The following ANK3 variants were observed in gnomAD, a reference collection of about 807,000 sequenced individuals.
The protein encoded by ANK3 is ankyrin-3.
Under a neutral mutation model 370.9 loss-of-function variants are expected in ANK3, and 57 were observed. The ratio of observed to expected loss-of-function variants is 0.15; its 90% CI spans 0.12 to 0.19. The LOEUF (loss-of-function observed/expected upper bound fraction) is 0.19, where lower values mean the gene tolerates loss of function less well. Among genes scored for constraint, ANK3 ranks in the 10% least tolerant of loss-of-function variants. ANK3 has a pLI of 1.00. For synonymous variants in ANK3, 1,929 were observed against 1,946.3 expected (o/e 0.99, Z 0.23); for missense variants, 4,439 against 5,302.1 (o/e 0.84, Z 5.06).
chr10:60,172,451 A>ATT, intron 20 of ANK3, 48 bp from the exon 21 acceptor site: 1 of 1,509,194 alleles, frequency 6.6e-7, no homozygotes, highest in Non-Finnish European at 9.2e-7. Flanking sequence ...CTTATTCCAC[A>ATT]TTTTTTTTGC....
chr10:60,480,586 C>T (rs760752618), intron 2 of ANK3, among the ~76,000 whole-genome samples: 1 of 151,968 alleles, frequency 6.6e-6, no homozygotes, highest in East Asian at 1.9e-4. Context: ...ATCTCTTAAG[C>T]ACTTTGTTAG....
chr10:60,574,806 C>A (rs887652665), intron 2 of ANK3, among the ~76,000 whole-genome samples: 1 of 152,248 alleles, frequency 6.6e-6, no homozygotes, highest in East Asian at 1.9e-4. Flanking sequence ...TAAATCTTGA[C>A]ATTCTTTACT....
At chr10:60,401,800 G>A (rs1731324930) in intron 2 of ANK3, among the ~76,000 whole-genome samples, 1 of 152,074 alleles carries the variant, frequency 6.6e-6, no homozygotes, top group Non-Finnish European at 1.5e-5. Context: ...GAGAAACAAT[G>A]CTATAAATGG....
intron 2 of ANK3, among the ~76,000 whole-genome samples, chr10:60,557,194 G>T (rs2077227425): frequency 6.6e-6 from 1 of 152,066 alleles, no homozygotes; most frequent in African/African-American, 2.4e-5. Flanking sequence ...ACTTATACAG[G>T]ATGTTTGTTG....
At chr10:60,351,149 T>C (rs943973318) in intron 1 of ANK3, among the ~76,000 whole-genome samples, 3 of 152,204 alleles carry the variant, frequency 2.0e-5, no homozygotes, top group Non-Finnish European at 2.9e-5. Flanking sequence ...ACCACAAACA[T>C]TTAAATAGAA....
intron 7 of ANK3, among the ~76,000 whole-genome samples, chr10:60,250,593 C>T (rs969144442): frequency 3.3e-5 from 5 of 152,158 alleles, no homozygotes; most frequent in African/African-American, 1.2e-4. Flanking sequence ...TCTCGATCTC[C>T]TGACCTTGTG....
chr10:60,170,648 G>C (rs752855979), intron 21 of ANK3, among the ~76,000 whole-genome samples: 11 of 152,152 alleles, frequency 7.2e-5, no homozygotes, highest in Non-Finnish European at 1.5e-4. Context: ...TTTGCAGAAA[G>C]TCATCAACAA....
At position 60,701,795 on chromosome 10, in the gene ANK3, T is replaced by C. The variant is rs926891368; in HGVS notation, c.57+31468A>G. Among the ~76,000 whole-genome samples, 8 of 152,238 alleles carry C rather than the reference T, an allele frequency of 5.3e-5. 1 individual carries two copies. The highest frequency in any genetic ancestry group is 3.3e-4 in the Admixed American group (5 of 15,292). ...AAACAACAAAAAATAAAAAAGGGGA[T>C]GCAAGTATATATATAAATGTGTATC... On this transcript the variant is annotated intron_variant, in intron 1 of 43. Coordinates refer to the ANK3 transcript ENST00000373827.
chr10:60,091,940 A>G (rs958289697), intron 28 of ANK3, among the ~76,000 whole-genome samples: 3 of 152,138 alleles, frequency 2.0e-5, no homozygotes, highest in Non-Finnish European at 4.4e-5. Flanking sequence ...CATGTTGGCC[A>G]GGATGGTCTC....
intron 2 of ANK3, among the ~76,000 whole-genome samples, chr10:60,426,829 G>A (rs1395944996): frequency 1.3e-5 from 2 of 152,116 alleles, no homozygotes; most frequent in African/African-American, 4.8e-5. Flanking sequence ...AATATGTAAC[G>A]AACAGCTAAT....
In ANK3 at chr10:60,064,227, T is replaced by C; in HGVS notation, c.12381A>G (p.Pro4127=). The C allele has an allele frequency of 6.3e-7, 1 of 1,583,602 alleles. No individual in the cohort carries two copies. Among genetic ancestry groups the C allele is most frequent in the African/African-American group, 1.4e-5 (1 of 72,778 alleles). ...TGAAGCTCTGAGAAATTAAAGAATT[T>C]GGATTTTCCACACGTATTTGATTGA... ...DEINQIRVEN[P]NSLISQSFML... is the part of the protein sequence containing the mutation. The change falls in exon 39 of 44, where the codon CCA becomes CCG. Residue 4127 remains proline (P), a synonymous_variant. Transcript: ENST00000280772.
chr10:60,072,676 T>C lies in ANK3; in HGVS notation c.8205A>G (p.Gln2735=). The C allele has an allele frequency of 6.2e-7, 1 of 1,614,156 alleles. No homozygotes were observed. Among genetic ancestry groups the C allele is most frequent in the South Asian group, 1.1e-5 (1 of 91,060 alleles). The change falls in exon 37 of 44, where the codon CAA becomes CAG. Residue 2735 remains glutamine (Q), a synonymous_variant. Coordinates refer to ENST00000280772, the MANE Select transcript of ANK3 (RefSeq NM_020987.5). ...ACTGGCCATCTGACTTTCTGTCTTC[T>C]TGAGACATGTCCTTACTTTTTGCGT... The part of the protein sequence containing the change: ...GTHAKSKDMS[Q]EDRKSDGQSR...
chr10:60,585,886 T>C (rs1421741051), intron 2 of ANK3, among the ~76,000 whole-genome samples: 1 of 151,982 alleles, frequency 6.6e-6, no homozygotes, highest in Non-Finnish European at 1.5e-5. Context: ...TAGCTCGACG[T>C]GGTGGCGGGT....
intron 4 of ANK3, among the ~76,000 whole-genome samples, chr10:60,273,399 C>T (rs1396129590): frequency 6.6e-6 from 1 of 152,164 alleles, no homozygotes; most frequent in East Asian, 1.9e-4. Flanking sequence ...AATTTAGTGG[C>T]TTTAAGTATA....
chr10:60,043,532 G>A (rs1278607945), intron 42 of ANK3: 6 of 985,278 alleles, frequency 6.1e-6, no homozygotes, highest in Non-Finnish European at 7.2e-6. Context: ...TGGCACATTG[G>A]AAATGGGCTG....
At chr10:60,297,065 A>G (rs2042684008) in intron 1 of ANK3, among the ~76,000 whole-genome samples, 1 of 152,244 alleles carries the variant, frequency 6.6e-6, no homozygotes, top group Non-Finnish European at 1.5e-5. Flanking sequence ...AAATATGACA[A>G]TAATCACTGA....
intron 1 of ANK3, among the ~76,000 whole-genome samples, chr10:60,691,182 T>C (rs12359070): frequency 5.9e-4 from 90 of 152,244 alleles, no homozygotes; most frequent in Non-Finnish European, 9.7e-4. Context: ...TCTTGACACA[T>C]AGAGAAAATA....
At chr10:60,391,107 G>A (rs761433971), upstream of ANK3, among the ~76,000 whole-genome samples, 5 of 152,294 alleles carry the variant, frequency 3.3e-5, no homozygotes, top group South Asian at 2.1e-4. Flanking sequence ...TAGTCTCTGC[G>A]AAGCAGTGAT....
At position 60,164,239 on chromosome 10, in the gene ANK3, C is replaced by G. The variant is rs568693496; in HGVS notation, c.2614+2352G>C. 3.9e-5 allele frequency among the ~76,000 whole-genome samples: 6 copies of G among 152,156 alleles called. No homozygotes were observed. The South Asian group carries it at 1.2e-3, about 32-fold the overall frequency. On this transcript the variant is annotated intron_variant, in intron 23 of 43. Coordinates refer to ENST00000280772, the MANE Select transcript of ANK3 (RefSeq NM_020987.5). ...AGCTCTTGTAAGCAAAATTTAGGGA[C>G]CTTAGCAGACAGTAATACTAATATG... is the stretch of plus-strand genomic sequence containing the variant.
Sources: allele counts gnomAD v4.1 joint callset (sites outside exome capture counted in the v4.1 genomes callset), GRCh38; gene constraint gnomAD v4.1.1; transcripts MANE v1.5; gene names NCBI Gene and HGNC (gene_info 2026-07-23, HGNC 2026-07-21).